The following MROH2A variants were observed in gnomAD, a reference collection of about 807,000 sequenced individuals.
MROH2A encodes maestro heat-like repeat-containing protein family member 2A.
In MROH2A, 174 loss-of-function variants were observed where a neutral mutation model predicts 200.4. The observed-to-expected ratio is 0.87, with a 90% CI of 0.77 to 0.98. The LOEUF is 0.98. MROH2A is among the 50% of genes least tolerant of loss of function. The pLI is 0.00. For missense variants in MROH2A, 2,045 were observed against 2,139.6 expected, an observed-to-expected ratio of 0.96 and a Z score of 0.87; for synonymous variants, 829 against 840.4, an observed-to-expected ratio of 0.99 and a Z score of 0.23.
chr2:233,826,543 C>T (rs2124904892), intron 35 of MROH2A, among the ~76,000 whole-genome samples: 1 of 152,270 alleles, frequency 6.6e-6, no homozygotes, highest in East Asian at 1.9e-4. Flanking sequence ...AACTGGACCC[C>T]TTTCTCACAC....
intron 6 of MROH2A, among the ~76,000 whole-genome samples, chr2:233,793,195 A>G (rs1164894217): frequency 2.0e-5 from 3 of 152,228 alleles, no homozygotes; most frequent in African/African-American, 4.8e-5. Context: ...CAGAACAGCA[A>G]TGAGCATTCA....
Position 233,795,983 on chromosome 2 carries a change from C to T in MROH2A, c.1076C>T (p.Pro359Leu), listed in dbSNP as rs771645517. 7.3e-5 allele frequency: 113 copies of T among 1,550,448 alleles called. No individual in the cohort carries two copies. The highest frequency in any genetic ancestry group is 9.2e-5 in the Non-Finnish European group (106 of 1,146,978). ...CCTCACCAGGTGTGCAACAAGGCCC[C>T]GGCCCAGCATCAGTACAGCAGCCAG... is the stretch of plus-strand genomic sequence containing the variant. ...ELHVQVCNKAPAQHQYSSQNL... is the reference protein window; with the variant it reads ...ELHVQVCNKALAQHQYSSQNL... Residue 359 changes from proline (P) to leucine (L), a missense_variant, in exon 10 of 42, where the codon CCG becomes CTG. Pro to Leu is a moderately conservative substitution (Grantham distance 98). Around this residue, in one of 3 missense-constraint regions of MROH2A, gnomAD observed 831 missense variants for 800.0 expected, o/e 1.04. Transcript: ENST00000389758.
intron 15 of MROH2A, chr2:233,802,534 A>C: frequency 1.0e-5 from 5 of 500,504 alleles, no homozygotes; most frequent in South Asian, 6.5e-5. Context: ...TGGATAGCTC[A>C]CTCCTCATGT....
chr2:233,831,265 G>A, intron 38 of MROH2A, 144 bp from the exon 39 acceptor site: 3 of 1,001,492 alleles, frequency 3.0e-6, no homozygotes, highest in Non-Finnish European at 4.2e-6. Context: ...GGTCCCAGGT[G>A]GCCTCCCAGG....
Position 233,789,529 on chromosome 2 carries a change from C to T in MROH2A, c.309C>T (p.Asn103=). The stretch of plus-strand genomic sequence containing the variant: ...CCCAGCGCAAGGTCAACATTTACAA[C>T]ATCCTCCAGGACATCATCCAGCAGG... ...ISTQRKVNIY[N]ILQDIIQQEG... The change falls in exon 4 of 42, where the codon AAC becomes AAT. Residue 103 remains asparagine (N), a synonymous_variant. Transcript: ENST00000389758. The T allele has an allele frequency of 6.8e-7, 1 of 1,463,078 alleles. No homozygotes were observed. The highest frequency in any genetic ancestry group is 1.4e-5 in the African/African-American group (1 of 70,448). 90.6% of individuals were successfully genotyped at this position (1,463,078 alleles called of 1,614,324 possible). A position where few individuals can be genotyped will look rare whatever the true frequency, so the allele number is the denominator to read the frequency against.
chr2:233,798,922 C>A, intron 12 of MROH2A, 72 bp downstream of exon 12: 2 of 1,250,456 alleles, frequency 1.6e-6, no homozygotes, highest in Non-Finnish European at 2.3e-6. Context: ...GAAGTCTGGG[C>A]TCTGGGAGGC....
At chr2:233,823,442 C>A in intron 34 of MROH2A, 114 bp from the exon 35 acceptor site, 1 of 1,298,556 alleles carries the variant, frequency 7.7e-7, no homozygotes, top group Non-Finnish European at 1.0e-6. Flanking sequence ...GACATCTTTC[C>A]GGGGTTATCT....
intron 16 of MROH2A, 54 bp downstream of exon 16, chr2:233,803,542 AC>A (rs1214724602): frequency 1.3e-6 from 2 of 1,539,596 alleles, no homozygotes; most frequent in Non-Finnish European, 1.8e-6. Context: ...GCCCTGTGGC[AC>A]CTCTTCTTTA....
At chr2:233,832,820 T>A (rs1260093092) in intron 41 of MROH2A, among the ~76,000 whole-genome samples, 176 bp downstream of exon 41, 1 of 152,146 alleles carries the variant, frequency 6.6e-6, no homozygotes, top group East Asian at 1.9e-4. Context: ...GGACGACAGC[T>A]ATTGATGGGT....
chr2:233,808,334 G>A (rs1163924100), intron 21 of MROH2A, among the ~76,000 whole-genome samples: 1 of 152,214 alleles, frequency 6.6e-6, no homozygotes, highest in Non-Finnish European at 1.5e-5. Flanking sequence ...TTGGCGTGCG[G>A]CTGGTTCCCT....
intron 41 of MROH2A, among the ~76,000 whole-genome samples, 165 bp downstream of exon 41, chr2:233,832,809 A>G (rs779393792): frequency 2.6e-5 from 4 of 152,168 alleles, no homozygotes; most frequent in Non-Finnish European, 5.9e-5. Flanking sequence ...AGGCCTTTCC[A>G]GGACGACAGC....
chr2:233,823,061 G>A (rs773116518), intron 34 of MROH2A, 43 bp downstream of exon 34: 1 of 1,544,722 alleles, frequency 6.5e-7, no homozygotes, highest in South Asian at 1.2e-5. Context: ...ACCTGCAGAG[G>A]CACCTCCTTG....
intron 3 of MROH2A, among the ~76,000 whole-genome samples, chr2:233,780,643 A>G (rs1430738645): frequency 6.6e-6 from 1 of 152,238 alleles, no homozygotes; most frequent in African/African-American, 2.4e-5. Context: ...ATACAAAGTG[A>G]TATTTCAAAA....
upstream of MROH2A, among the ~76,000 whole-genome samples, chr2:233,776,126 T>C (rs1700697918): frequency 6.6e-6 from 1 of 152,198 alleles, no homozygotes; most frequent in Non-Finnish European, 1.5e-5. Flanking sequence ...AATGGACTAA[T>C]ACAGTCAGCT....
intron 3 of MROH2A, among the ~76,000 whole-genome samples, chr2:233,786,789 CAAAT>C (rs1701230225): frequency 6.6e-6 from 1 of 152,036 alleles, no homozygotes; most frequent in Non-Finnish European, 1.5e-5. Flanking sequence ...AGACAATAAA[CAAAT>C]AGGCACATTT....
rs1244628896 is a variant in MROH2A at position 233,809,188 on chromosome 2, G to A, written c.2358G>A (p.Val786=). The stretch of plus-strand genomic sequence containing the variant: ...CCCTCATGGTGATGTATAGCTGCGT[G>A]GCCTCCTACTGCCACCCCCAGTTGC... ...KSALMVMYSC[V]ASYCHPQLLL... is the part of the protein sequence containing the mutation. Residue 786 remains valine, a synonymous_variant, in exon 22 of 42, where the codon GTG becomes GTA. Coordinates refer to ENST00000389758, the MANE Select transcript of MROH2A (RefSeq NM_001394639.1). The A allele has an allele frequency of 6.4e-7, 1 of 1,550,404 alleles. No individual in the cohort carries two copies. The highest frequency in any genetic ancestry group is 8.7e-7 in the Non-Finnish European group (1 of 1,146,976).
At chr2:233,787,706 A>T (rs56217936) in intron 3 of MROH2A, among the ~76,000 whole-genome samples, 6,648 of 13,720 alleles carry the variant, frequency 0.48, 2,199 homozygotes, top group Middle Eastern at 0.75. Flanking sequence ...ATATCATATA[A>T]ACATATATAT....
At chr2:233,804,341 C>A in intron 17 of MROH2A, 149 bp downstream of exon 17, 9 of 1,374,316 alleles carry the variant, frequency 6.5e-6, no homozygotes, top group Non-Finnish European at 9.0e-6. Flanking sequence ...GGTTGAGCAG[C>A]TTGGGAAGGT....
Position 233,796,190 on chromosome 2 carries a change from C to A in MROH2A, c.1139-10C>A. ...GTGAGCATGACTAAAGCTGTCCTTCCACCCTGCAGCTCGCTCCTACCCCAA... is the reference window on the plus strand; with the variant it reads ...GTGAGCATGACTAAAGCTGTCCTTCAACCCTGCAGCTCGCTCCTACCCCAA... On this transcript the variant is annotated splice_polypyrimidine_tract_variant and intron_variant, in intron 10 of 41. Transcript: ENST00000389758. 1 of 1,545,724 alleles carries A rather than the reference C, an allele frequency of 6.5e-7. No homozygotes were observed. Among genetic ancestry groups the A allele is most frequent in the Non-Finnish European group, 8.7e-7 (1 of 1,143,252 alleles).
Sources: allele counts gnomAD v4.1 joint callset (sites outside exome capture counted in the v4.1 genomes callset), GRCh38; gene constraint gnomAD v4.1.1; regional missense constraint gnomAD v4.1.1; transcripts MANE v1.5; gene names NCBI Gene and HGNC (gene_info 2026-07-23, HGNC 2026-07-21).